The following SLC4A10 variants were observed in gnomAD, a reference collection of about 807,000 sequenced individuals.
SLC4A10 encodes sodium-driven chloride bicarbonate exchanger.
A neutral mutation model predicts 137.7 loss-of-function variants in SLC4A10; 42 were observed. The ratio of observed to expected loss-of-function variants is 0.30; its 90% CI spans 0.24 to 0.39. The LOEUF (loss-of-function observed/expected upper bound fraction) is 0.39. Ranked by LOEUF, SLC4A10 falls within the 10% of genes least tolerant of loss-of-function variation. The pLI, the probability that SLC4A10 is intolerant of heterozygous loss-of-function variation, is 1.00. For synonymous variants in SLC4A10, 474 were observed against 464.1 expected, an observed-to-expected ratio of 1.02 and a Z score of -0.27; for missense variants, 925 against 1,355.0, an observed-to-expected ratio of 0.68 and a Z score of 4.98.
intron 3 of SLC4A10, among the ~76,000 whole-genome samples, chr2:161,816,571 T>C (rs1248738921): frequency 1.3e-5 from 2 of 152,050 alleles, no homozygotes; most frequent in African/African-American, 4.8e-5. Flanking sequence ...GGTGGTGTGC[T>C]GCACCCATTA....
intron 10 of SLC4A10, among the ~76,000 whole-genome samples, chr2:161,883,413 A>G (rs962643542): frequency 6.6e-6 from 1 of 152,182 alleles, no homozygotes; most frequent in Non-Finnish European, 1.5e-5. Context: ...CAATCTGTCC[A>G]AATTATGTTT....
chr2:161,754,957 C>T (rs1209725254), intron 1 of SLC4A10, among the ~76,000 whole-genome samples: 4 of 152,082 alleles, frequency 2.6e-5, no homozygotes, highest in African/African-American at 9.7e-5. Context: ...GGCAAGTTGG[C>T]ACTTATCAGA....
At chr2:161,679,120 A>G (rs527578771) in intron 1 of SLC4A10, among the ~76,000 whole-genome samples, 4 of 152,174 alleles carry the variant, frequency 2.6e-5, no homozygotes, top group Middle Eastern at 3.4e-3. Context: ...TAACCTTTGG[A>G]ATTGTCTGTC....
intron 15 of SLC4A10, among the ~76,000 whole-genome samples, chr2:161,942,161 C>T (rs1315215863): frequency 1.3e-5 from 2 of 152,120 alleles, no homozygotes; most frequent in Admixed American, 1.3e-4. Flanking sequence ...GTCCAATGAA[C>T]TTACAAGTTA....
At chr2:161,870,022 T>C (rs1368760160) in intron 6 of SLC4A10, among the ~76,000 whole-genome samples, 1 of 151,444 alleles carries the variant, frequency 6.6e-6, no homozygotes, top group Non-Finnish European at 1.5e-5. Flanking sequence ...ACTTAAAATA[T>C]TTATAAAAAT....
At chr2:161,725,249 A>T (rs1252503913) in intron 1 of SLC4A10, among the ~76,000 whole-genome samples, 1 of 152,156 alleles carries the variant, frequency 6.6e-6, no homozygotes, top group Non-Finnish European at 1.5e-5. Flanking sequence ...TGGCACATTG[A>T]CTAGAAGCAT....
intron 4 of SLC4A10, among the ~76,000 whole-genome samples, chr2:161,841,518 A>G (rs1411073172): frequency 6.6e-6 from 1 of 152,212 alleles, no homozygotes; most frequent in South Asian, 2.1e-4. Context: ...ATTCCATTGG[A>G]TCATGTTAAA....
chr2:161,913,599 T>C (rs1686380805), intron 15 of SLC4A10, among the ~76,000 whole-genome samples: 2 of 152,198 alleles, frequency 1.3e-5, no homozygotes, highest in South Asian at 4.1e-4. Flanking sequence ...CTCTGAATAT[T>C]TCTCTTTACA....
chr2:161,826,144 G>A (rs2058007091), intron 3 of SLC4A10, among the ~76,000 whole-genome samples: 1 of 152,070 alleles, frequency 6.6e-6, no homozygotes, highest in African/African-American at 2.4e-5. Flanking sequence ...CAATTTTAAA[G>A]TTCAACTAAA....
At chr2:161,895,745 C>G (rs2063415287) in intron 11 of SLC4A10, among the ~76,000 whole-genome samples, 1 of 152,056 alleles carries the variant, frequency 6.6e-6, no homozygotes, top group Non-Finnish European at 1.5e-5. Flanking sequence ...CCTTTGCCCA[C>G]TTTTTGATGG....
chr2:161,644,247 A>C (rs1029136846), intron 1 of SLC4A10, among the ~76,000 whole-genome samples: 1 of 152,134 alleles, frequency 6.6e-6, no homozygotes, highest in African/African-American at 2.4e-5. Context: ...CTGTATTCCT[A>C]GCACTTTGGG....
At chr2:161,646,596 T>C (rs759929899) in intron 1 of SLC4A10, among the ~76,000 whole-genome samples, 2 of 152,010 alleles carry the variant, frequency 1.3e-5, no homozygotes, top group Admixed American at 6.5e-5. Context: ...TATCCTTGTA[T>C]AGCCTGTTAA....
intron 3 of SLC4A10, among the ~76,000 whole-genome samples, chr2:161,809,025 C>T (rs528589331): frequency 6.6e-6 from 1 of 152,202 alleles, no homozygotes; most frequent in African/African-American, 2.4e-5. Context: ...ATTTATATTC[C>T]CACCAACAGT....
intron 2 of SLC4A10, among the ~76,000 whole-genome samples, chr2:161,778,128 A>G (rs567920500): frequency 6.6e-6 from 1 of 152,068 alleles, no homozygotes. Context: ...GTAGTATAAC[A>G]TTAGGAATAT....
intron 2 of SLC4A10, among the ~76,000 whole-genome samples, chr2:161,794,687 G>A (rs1170190021): frequency 1.3e-5 from 2 of 152,144 alleles, no homozygotes; most frequent in African/African-American, 4.8e-5. Context: ...TTCACACGAG[G>A]CATGAGGCAG....
chr2:161,689,412 C>T (rs545188505), intron 1 of SLC4A10, among the ~76,000 whole-genome samples: 3 of 152,234 alleles, frequency 2.0e-5, no homozygotes, highest in Non-Finnish European at 2.9e-5. Context: ...AGTTTGGATT[C>T]ACAAATACTT....
chr2:161,974,353 A>C, intron 24 of SLC4A10, 37 bp downstream of exon 24: 1 of 1,482,148 alleles, frequency 6.7e-7, no homozygotes, highest in Non-Finnish European at 9.2e-7. Flanking sequence ...AATTAAAGTA[A>C]TGAAATGCAT....
chr2:161,772,999 A>G (rs1308179546), intron 2 of SLC4A10, among the ~76,000 whole-genome samples: 1 of 151,908 alleles, frequency 6.6e-6, no homozygotes, highest in Non-Finnish European at 1.5e-5. Flanking sequence ...GAGAGCACCA[A>G]GGAGAAAGGT....
intron 1 of SLC4A10, among the ~76,000 whole-genome samples, chr2:161,659,988 T>C (rs1220646215): frequency 6.7e-6 from 1 of 149,542 alleles, no homozygotes; most frequent in African/African-American, 2.5e-5. Flanking sequence ...AGTGGTTGCC[T>C]GGGGTGAAGA....
Sources: allele counts gnomAD v4.1 joint callset (sites outside exome capture counted in the v4.1 genomes callset), GRCh38; gene constraint gnomAD v4.1.1; transcripts MANE v1.5; gene names NCBI Gene and HGNC (gene_info 2026-07-23, HGNC 2026-07-21).